GAPVD1: variants seen among roughly 807,000 people sequenced by gnomAD.
GAPVD1 encodes GTPase-activating protein and VPS9 domain-containing protein 1.
A neutral mutation model predicts 155.5 loss-of-function variants in GAPVD1; 35 were observed. The ratio of observed to expected loss-of-function variants is 0.23; its 90% CI spans 0.17 to 0.30. The LOEUF (loss-of-function observed/expected upper bound fraction) is 0.30. GAPVD1 is among the 10% of genes least tolerant of loss of function. The pLI, the probability that GAPVD1 is intolerant of heterozygous loss-of-function variation, is 1.00. For synonymous variants in GAPVD1, 636 were observed against 619.7 expected (o/e 1.03, Z -0.39); for missense variants, 1,429 against 1,775.7 (o/e 0.80, Z 3.51).
chr9:125,262,423 A>T (rs1483885623), intron 1 of GAPVD1, among the ~76,000 whole-genome samples: 1 of 152,186 alleles, frequency 6.6e-6, no homozygotes, highest in Non-Finnish European at 1.5e-5. Context: ...ACAGACACTC[A>T]CTGTACTTGG....
intron 15 of GAPVD1, chr9:125,335,160 G>A (rs764024134): frequency 3.7e-5 from 28 of 754,016 alleles, no homozygotes; most frequent in African/African-American, 2.9e-4. Context: ...CTACATGTCC[G>A]TGTGAGGCCA....
intron 8 of GAPVD1, among the ~76,000 whole-genome samples, chr9:125,312,045 T>A (rs1403175354): frequency 6.6e-6 from 1 of 152,162 alleles, no homozygotes; most frequent in East Asian, 1.9e-4. Context: ...GCTCAGTTAT[T>A]GGTATGGGAG....
intron 2 of GAPVD1, among the ~76,000 whole-genome samples, chr9:125,280,977 C>T (rs1764883468): frequency 6.6e-6 from 1 of 152,106 alleles, no homozygotes; most frequent in South Asian, 2.1e-4. Context: ...AAATATATTT[C>T]CTTTGCTTCG....
Position 125,302,418 on chromosome 9 carries a change from G to A in GAPVD1, c.621G>A (p.Leu207=). 1 of 1,613,728 alleles carries A rather than the reference G, an allele frequency of 6.2e-7. No homozygotes were observed. Among genetic ancestry groups the A allele is most frequent in the Non-Finnish European group, 8.5e-7 (1 of 1,179,786 alleles). ...CTTTACATGAGCCAATTATGCAACT[G>A]CTTGTTGAAGATGAAGATCACCTGG... ...TATLHEPIMQ[L]LVEDEDHLET... is the part of the protein sequence containing the mutation. The change falls in exon 5 of 28, where the codon CTG becomes CTA. Residue 207 remains leucine, a synonymous_variant. Coordinates refer to ENST00000297933, the MANE Select transcript of GAPVD1 (RefSeq NM_001282680.3).
chr9:125,311,358 A>T (rs1451311203), intron 8 of GAPVD1, among the ~76,000 whole-genome samples: 2 of 152,222 alleles, frequency 1.3e-5, no homozygotes, highest in East Asian at 3.8e-4. Flanking sequence ...ACGGTGGCTC[A>T]TGCCTGTAAT....
chr9:125,297,887 A>G (rs1196678362), intron 3 of GAPVD1, among the ~76,000 whole-genome samples: 1 of 152,166 alleles, frequency 6.6e-6, no homozygotes, highest in East Asian at 1.9e-4. Flanking sequence ...CTAGGACTAC[A>G]GGTGTACACC....
chr9:125,340,343 A>G (rs1847675305), intron 17 of GAPVD1, among the ~76,000 whole-genome samples: 1 of 152,142 alleles, frequency 6.6e-6, no homozygotes, highest in Non-Finnish European at 1.5e-5. Context: ...GTTAATGATA[A>G]CTTAATATAA....
At position 125,342,267 on chromosome 9, in the gene GAPVD1, A is replaced by G. The variant is rs1847930465; in HGVS notation, c.3014A>G (p.Asp1005Gly). ...KKEKQEKDKD[D>G]LGPDRFSTLT... ...GAAAAACAAGAAAAAGACAAAGATG[A>G]TCTGGGGCCTGACAGATTCTCAACA... is the stretch of plus-strand genomic sequence containing the variant. The change falls in exon 19 of 28, where the codon GAT (aspartate) becomes GGT (glycine). Residue 1005 changes from aspartate to glycine, a missense_variant. Around this residue, in one of 4 missense-constraint regions of GAPVD1, gnomAD observed 699 missense variants for 826.0 expected, o/e 0.85. Coordinates refer to ENST00000297933, the MANE Select transcript of GAPVD1 (RefSeq NM_001282680.3). 4 of 1,601,484 alleles carry G rather than the reference A, an allele frequency of 2.5e-6. No individual in the cohort carries two copies. The highest frequency in any genetic ancestry group is 1.3e-5 in the African/African-American group (1 of 74,714).
chr9:125,365,353 G>GTTTTTTTT lies in GAPVD1; in HGVS notation c.*2609_*2610insTTTTTTTT. ...TTTTTTTTAATAGAAAAGAGGAATA[G>GTTTTTTTT]TTGTTCCCCAAATGTTTCTTCCTCC... On this transcript the variant is annotated 3_prime_UTR_variant, in exon 28 of 28. Coordinates refer to ENST00000297933, the MANE Select transcript of GAPVD1 (RefSeq NM_001282680.3). 6.7e-6 allele frequency: 1 copy of GTTTTTTTT among 149,592 alleles called. No individual in the cohort carries two copies. 9.3% of individuals were successfully genotyped at this position (149,592 alleles called of 1,614,324 possible).
intron 9 of GAPVD1, among the ~76,000 whole-genome samples, chr9:125,317,895 G>A (rs999909121): frequency 2.0e-5 from 3 of 151,880 alleles, no homozygotes; most frequent in Non-Finnish European, 4.4e-5. Flanking sequence ...ACACTAGAGG[G>A]GTTCAACAGC....
chr9:125,286,028 A>G (rs904919059), intron 2 of GAPVD1, among the ~76,000 whole-genome samples: 3 of 152,018 alleles, frequency 2.0e-5, no homozygotes, highest in African/African-American at 7.2e-5. Flanking sequence ...GGCTGGTCTC[A>G]AAATCCTGGG....
chr9:125,298,366 C>A (rs1392879755), intron 3 of GAPVD1, among the ~76,000 whole-genome samples: 2 of 150,226 alleles, frequency 1.3e-5, no homozygotes, highest in Admixed American at 1.3e-4. Flanking sequence ...GCTTTTTTTT[C>A]TTTTTGCTTA....
At chr9:125,335,122 G>A (rs1298091629) in intron 15 of GAPVD1, 1 of 722,124 alleles carries the variant, frequency 1.4e-6, no homozygotes, top group Non-Finnish European at 2.5e-6. Flanking sequence ...TTTCTGAAAA[G>A]GCTACTAACA....
At chr9:125,311,273 CTCTTT>C (rs1433571358) in intron 8 of GAPVD1, among the ~76,000 whole-genome samples, 2 of 152,118 alleles carry the variant, frequency 1.3e-5, no homozygotes, top group African/African-American at 4.8e-5. Flanking sequence ...TAAATTTTCT[CTCTTT>C]TATCTTTGAA....
At position 125,355,634 on chromosome 9, in the gene GAPVD1, T is replaced by G; in HGVS notation, c.3758-10T>G. ...TTAAACTATTTAAAAATTATTATTT[T>G]GCTTTGGAGACTTTCAGAAACTCAC... On this transcript the variant is annotated splice_polypyrimidine_tract_variant and intron_variant, in intron 24 of 27. Coordinates refer to ENST00000297933, the MANE Select transcript of GAPVD1 (RefSeq NM_001282680.3). 6.6e-7 allele frequency: 1 copy of G among 1,511,800 alleles called. No homozygotes were observed. The highest frequency in any genetic ancestry group is 9.1e-7 in the Non-Finnish European group (1 of 1,100,720). 93.6% of individuals were successfully genotyped at this position (1,511,800 alleles called of 1,614,324 possible).
At chr9:125,282,944 A>T (rs1015429917) in intron 2 of GAPVD1, among the ~76,000 whole-genome samples, 3 of 151,980 alleles carry the variant, frequency 2.0e-5, no homozygotes, top group African/African-American at 7.3e-5. Flanking sequence ...TTCTAACAAC[A>T]TTATTTCTGA....
chr9:125,322,205 C>T (rs1021902730), intron 10 of GAPVD1, among the ~76,000 whole-genome samples: 1 of 152,080 alleles, frequency 6.6e-6, no homozygotes, highest in African/African-American at 2.4e-5. Context: ...GTTGGGACTA[C>T]AGGCACCCGC....
chr9:125,266,797 G>A (rs1265138844), intron 1 of GAPVD1, among the ~76,000 whole-genome samples: 2 of 152,000 alleles, frequency 1.3e-5, no homozygotes, highest in Non-Finnish European at 2.9e-5. Context: ...GTCTTGCTCT[G>A]TGGTCCAGGC....
At chr9:125,279,993 G>A (rs538100087) in intron 2 of GAPVD1, among the ~76,000 whole-genome samples, 10 of 151,280 alleles carry the variant, frequency 6.6e-5, no homozygotes, top group Admixed American at 1.3e-4. Flanking sequence ...AACTCCCGAC[G>A]TCAGGTGATC....
Sources: gnomAD v4.1 joint callset for allele counts (sites outside exome capture counted in the v4.1 genomes callset) on GRCh38, gnomAD v4.1.1 for gene constraint, gnomAD v4.1.1 regional missense constraint, MANE v1.5 for transcripts, NCBI Gene and HGNC (gene_info 2026-07-23, HGNC 2026-07-21) for gene names.